Variants in MAGI2 observed in about 807,000 individuals in gnomAD.
The protein encoded by MAGI2 is membrane-associated guanylate kinase, WW and PDZ domain-containing protein 2.
A neutral mutation model predicts 133.3 loss-of-function variants in MAGI2; 35 were observed. The ratio of observed to expected loss-of-function variants is 0.26; its 90% CI spans 0.20 to 0.35. The LOEUF (loss-of-function observed/expected upper bound fraction) is 0.35. MAGI2 is among the 10% of genes least tolerant of loss of function. The pLI is 1.00. For missense variants in MAGI2, 1,636 were observed against 1,863.4 expected (o/e 0.88, Z 2.25); for synonymous variants, 729 against 710.6 (o/e 1.03, Z -0.41).
At chr7:78,392,726 C>T (rs1037260775) in intron 6 of MAGI2, among the ~76,000 whole-genome samples, 2 of 152,176 alleles carry the variant, frequency 1.3e-5, no homozygotes, top group African/African-American at 2.4e-5. Flanking sequence ...TCACTGCAAC[C>T]TCCGCCTCCC....
At chr7:78,347,907 G>A (rs149695170) in intron 7 of MAGI2, among the ~76,000 whole-genome samples, 7 of 152,356 alleles carry the variant, frequency 4.6e-5, no homozygotes, top group African/African-American at 1.7e-4. Flanking sequence ...ATCTGTGCCT[G>A]TAAAGCATGT....
chr7:79,444,541 C>A (rs1042130075), intron 1 of MAGI2, among the ~76,000 whole-genome samples: 1 of 152,122 alleles, frequency 6.6e-6, no homozygotes, highest in Non-Finnish European at 1.5e-5. Flanking sequence ...AGAGTCAAAT[C>A]ATGAGTGAAC....
rs1563090905 is a variant in MAGI2, at chr7:78,501,783, G to C, written c.759C>G (p.Ser253=). ...NGNGVVVTPE[S]SEHEDKSAGA... Reference sequence around the variant, plus strand: ...CTGCACTTTTGTCTTCATGTTCACTGGATTCTATAAGAGAACAAGAGCACG... The same window carrying C: ...CTGCACTTTTGTCTTCATGTTCACTCGATTCTATAAGAGAACAAGAGCACG... The change falls in exon 5 of 22, where the codon TCC becomes TCG. Residue 253 remains serine (S), a synonymous_variant. Coordinates refer to ENST00000354212, the MANE Select transcript of MAGI2 (RefSeq NM_012301.4). 2 of 1,612,568 alleles carry C rather than the reference G, an allele frequency of 1.2e-6. No individual in the cohort carries two copies. Among genetic ancestry groups the C allele is most frequent in the Non-Finnish European group, 8.5e-7 (1 of 1,179,314 alleles).
chr7:78,565,892 C>G (rs1209763341), intron 3 of MAGI2, among the ~76,000 whole-genome samples: 1 of 152,054 alleles, frequency 6.6e-6, no homozygotes, highest in Non-Finnish European at 1.5e-5. Context: ...TTTTGGCATC[C>G]CGGGCTGCCA....
intron 2 of MAGI2, among the ~76,000 whole-genome samples, chr7:78,684,997 T>C (rs1277380770): frequency 6.6e-6 from 1 of 152,214 alleles, no homozygotes; most frequent in Non-Finnish European, 1.5e-5. Flanking sequence ...TTAACAGGCT[T>C]CTCATACTAC....
At chr7:79,143,480 T>C (rs1822322822) in intron 1 of MAGI2, among the ~76,000 whole-genome samples, 1 of 152,216 alleles carries the variant, frequency 6.6e-6, no homozygotes, top group African/African-American at 2.4e-5. Flanking sequence ...TGAGCACCTG[T>C]TCTGTCCAAT....
intron 16 of MAGI2, among the ~76,000 whole-genome samples, chr7:78,154,900 C>A (rs184039406): frequency 4.0e-4 from 61 of 150,980 alleles, no homozygotes; most frequent in Non-Finnish European, 7.5e-4. Context: ...GCACGTAGCC[C>A]CTGGGACATT....
At chr7:79,378,965 T>A (rs1237854065) in intron 1 of MAGI2, among the ~76,000 whole-genome samples, 1 of 94,840 alleles carries the variant, frequency 1.1e-5, no homozygotes, top group African/African-American at 4.1e-5. Context: ...TATATATATA[T>A]ATATATTAAA....
At chr7:79,232,297 G>T (rs1831442479) in intron 1 of MAGI2, among the ~76,000 whole-genome samples, 1 of 146,818 alleles carries the variant, frequency 6.8e-6, no homozygotes, top group Non-Finnish European at 1.5e-5. Context: ...TCAGAATGAT[G>T]CTGGCCTCAT....
intron 7 of MAGI2, 106 bp downstream of exon 7, chr7:78,369,050 G>T: frequency 1.4e-6 from 1 of 729,450 alleles, no homozygotes; most frequent in Non-Finnish European, 2.2e-6. Context: ...AAAGTAAGAT[G>T]AAAGGGAAAT....
chr7:78,893,960 C>G (rs1253577203), intron 2 of MAGI2, among the ~76,000 whole-genome samples: 1 of 152,072 alleles, frequency 6.6e-6, no homozygotes, highest in African/African-American at 2.4e-5. Flanking sequence ...ATAATGAAAG[C>G]TCAAAGTTTA....
chr7:78,759,678 A>C (rs983922195), intron 2 of MAGI2, among the ~76,000 whole-genome samples: 23 of 152,242 alleles, frequency 1.5e-4, no homozygotes, highest in African/African-American at 4.6e-4. Flanking sequence ...ATTAGAAAAA[A>C]ATACCTATTA....
rs149535423 is a variant in MAGI2 at position 78,546,764 on chromosome 7, G to C, written c.539-25119C>G. 8.5e-4 allele frequency among the ~76,000 whole-genome samples: 130 copies of C among 152,206 alleles called. 2 individuals carry two copies. In the East Asian group the frequency reaches 0.019, roughly 23 times the overall value. ...CTATGGACTCAAATAGAGGCTTAAAGCTGTTTTGTGCCACATAGTAGCTAT... is the reference window on the plus strand; with the variant it reads ...CTATGGACTCAAATAGAGGCTTAAACCTGTTTTGTGCCACATAGTAGCTAT... On this transcript the variant is annotated intron_variant, in intron 3 of 21. Coordinates refer to ENST00000354212, the MANE Select transcript of MAGI2 (RefSeq NM_012301.4).
At chr7:78,224,959 C>A (rs896424835) in intron 10 of MAGI2, among the ~76,000 whole-genome samples, 11 of 152,122 alleles carry the variant, frequency 7.2e-5, no homozygotes, top group African/African-American at 2.7e-4. Flanking sequence ...TGAGGTCTGG[C>A]TGCTACCCCC....
At chr7:78,514,626 A>G (rs960029132) in intron 4 of MAGI2, among the ~76,000 whole-genome samples, 4 of 152,204 alleles carry the variant, frequency 2.6e-5, no homozygotes, top group African/African-American at 4.8e-5. Context: ...CCACACAAAA[A>G]TAAGCAGGGC....
chr7:79,347,141 T>C (rs938566460), intron 1 of MAGI2, among the ~76,000 whole-genome samples: 1 of 151,992 alleles, frequency 6.6e-6, no homozygotes, highest in Non-Finnish European at 1.5e-5. Context: ...TTGAACAATG[T>C]TTTATTTTAC....
At chr7:78,572,300 A>G (rs559661357) in intron 3 of MAGI2, among the ~76,000 whole-genome samples, 11 of 152,236 alleles carry the variant, frequency 7.2e-5, no homozygotes, top group Admixed American at 7.2e-4. Context: ...AGTCATGCCA[A>G]TCCCAAAGAA....
chr7:78,607,718 C>G (rs1805972830), intron 3 of MAGI2, among the ~76,000 whole-genome samples: 1 of 152,016 alleles, frequency 6.6e-6, no homozygotes, highest in South Asian at 2.1e-4. Context: ...TTCTTTTTTG[C>G]TAAAATAACC....
At chr7:78,740,147 C>T (rs1311945721) in intron 2 of MAGI2, among the ~76,000 whole-genome samples, 1 of 150,922 alleles carries the variant, frequency 6.6e-6, no homozygotes, top group African/African-American at 2.5e-5. Flanking sequence ...GGTGACAGAG[C>T]CAGACTCTGT....
Sources: gnomAD v4.1 joint callset for allele counts (sites outside exome capture counted in the v4.1 genomes callset) on GRCh38, gnomAD v4.1.1 for gene constraint, MANE v1.5 for transcripts, NCBI Gene and HGNC (gene_info 2026-07-23, HGNC 2026-07-21) for gene names.